Variants in MIR2052HG observed in about 807,000 individuals in gnomAD.
The protein encoded by MIR2052HG is MIR2052 host gene.
intron 2 of MIR2052HG, among the ~76,000 whole-genome samples, chr8:74,638,563 T>C (rs569772454): frequency 5.1e-4 from 77 of 152,204 alleles, no homozygotes; most frequent in Non-Finnish European, 6.3e-4. Flanking sequence ...GGAGAGTAGA[T>C]AATTTCACAT....
At chr8:74,661,096 T>C (rs72667583) in intron 2 of MIR2052HG, among the ~76,000 whole-genome samples, 7,988 of 152,182 alleles carry the variant, frequency 0.052, 283 homozygotes, top group Middle Eastern at 0.082. Flanking sequence ...GAACAGCAAG[T>C]GAAACAGGAC....
At chr8:74,615,383 C>T (rs1586889944) in intron 2 of MIR2052HG, among the ~76,000 whole-genome samples, 1 of 152,174 alleles carries the variant, frequency 6.6e-6, no homozygotes, top group South Asian at 2.1e-4. Flanking sequence ...AAGCTGAGTC[C>T]ACTGTGCCTC....
At position 74,606,205 on chromosome 8, in the gene MIR2052HG, G is replaced by A. The variant is rs147969978; in HGVS notation, n.128+6297G>A. Among the ~76,000 whole-genome samples the A allele has an allele frequency of 9.7e-3, 1,476 of 152,280 alleles. 10 individuals are homozygous for A. Among genetic ancestry groups the A allele is most frequent in the South Asian group, 0.015 (74 of 4,826 alleles). ...AATCGGATGAATTCCTGGGAACTGT[G>A]GATATAGCTTGCCACAGTATCTTAT... On this transcript the variant is annotated intron_variant and non_coding_transcript_variant, in intron 1 of 6. Transcript: ENST00000523442.
At chr8:74,652,306 C>A (rs74402675) in intron 2 of MIR2052HG, among the ~76,000 whole-genome samples, 1 of 152,098 alleles carries the variant, frequency 6.6e-6, no homozygotes, top group Non-Finnish European at 1.5e-5. Flanking sequence ...TATAAGTGGA[C>A]GTGACACATA....
intron 1 of MIR2052HG, among the ~76,000 whole-genome samples, chr8:74,600,068 G>A (rs1586881981): frequency 6.6e-6 from 1 of 152,172 alleles, no homozygotes; most frequent in South Asian, 2.1e-4. Context: ...GTGAGGCAAT[G>A]CCTCGCCGTG....
intron 5 of MIR2052HG, among the ~76,000 whole-genome samples, chr8:74,755,359 A>T (rs1027311555): frequency 6.6e-6 from 1 of 152,224 alleles, no homozygotes; most frequent in African/African-American, 2.4e-5. Context: ...ACCTCTAAAA[A>T]GATTAGACTG....
chr8:74,678,756 G>T (rs1262333365), intron 2 of MIR2052HG, among the ~76,000 whole-genome samples: 1 of 151,646 alleles, frequency 6.6e-6, no homozygotes, highest in South Asian at 2.1e-4. Context: ...TAATATAATA[G>T]AAATGACAGT....
intron 2 of MIR2052HG, among the ~76,000 whole-genome samples, chr8:74,619,056 T>C (rs1009302405): frequency 1.3e-5 from 2 of 152,150 alleles, no homozygotes; most frequent in South Asian, 2.1e-4. Context: ...TACTTAGGAA[T>C]AAATTTTTTT....
At chr8:74,642,467 C>T (rs1808649071) in intron 2 of MIR2052HG, among the ~76,000 whole-genome samples, 1 of 152,136 alleles carries the variant, frequency 6.6e-6, no homozygotes, top group Admixed American at 6.5e-5. Flanking sequence ...AACCAAACAG[C>T]TGCTTCCCAA....
intron 4 of MIR2052HG, among the ~76,000 whole-genome samples, chr8:74,722,340 A>C (rs1809586648): frequency 6.6e-6 from 1 of 152,248 alleles, no homozygotes; most frequent in Admixed American, 6.5e-5. Flanking sequence ...ATATTATAAT[A>C]GGTTCTATAT....
At chr8:74,753,058 T>C (rs916618878) in intron 5 of MIR2052HG, among the ~76,000 whole-genome samples, 1 of 152,236 alleles carries the variant, frequency 6.6e-6, no homozygotes, top group Non-Finnish European at 1.5e-5. Context: ...GTAGGTATTT[T>C]TTAAAACACG....
chr8:74,654,277 C>T (rs1808781062), intron 2 of MIR2052HG, among the ~76,000 whole-genome samples: 1 of 152,062 alleles, frequency 6.6e-6, no homozygotes, highest in South Asian at 2.1e-4. Flanking sequence ...GAGGAATCTA[C>T]AAAGGAGACT....
At chr8:74,646,707 C>G (rs541233071) in intron 2 of MIR2052HG, among the ~76,000 whole-genome samples, 1 of 152,246 alleles carries the variant, frequency 6.6e-6, no homozygotes, top group African/African-American at 2.4e-5. Context: ...ATGGATAGAT[C>G]ACTTGAGCCT....
At chr8:74,730,560 C>T (rs1809681176) in intron 4 of MIR2052HG, among the ~76,000 whole-genome samples, 1 of 152,068 alleles carries the variant, frequency 6.6e-6, no homozygotes, top group Admixed American at 6.6e-5. Context: ...CAGCAAGACT[C>T]CAGTTTTTGC....
At chr8:74,710,935 A>AGG (rs1457759250) in intron 4 of MIR2052HG, among the ~76,000 whole-genome samples, 1 of 152,154 alleles carries the variant, frequency 6.6e-6, no homozygotes, top group African/African-American at 2.4e-5. Context: ...ATGTGAGCAA[A>AGG]CTGTGCCCCA....
chr8:74,745,895 C>G (rs1223500517), intron 4 of MIR2052HG, among the ~76,000 whole-genome samples: 2 of 152,162 alleles, frequency 1.3e-5, no homozygotes, highest in African/African-American at 2.4e-5. Flanking sequence ...AAGCACCACA[C>G]ATATCAACTC....
intron 2 of MIR2052HG, among the ~76,000 whole-genome samples, chr8:74,668,800 G>A (rs1351626043): frequency 6.6e-6 from 1 of 152,166 alleles, no homozygotes; most frequent in Non-Finnish European, 1.5e-5. Context: ...GCAGTTAATG[G>A]CAAACTCAAG....
intron 2 of MIR2052HG, among the ~76,000 whole-genome samples, chr8:74,627,544 A>G (rs1276306199): frequency 1.3e-5 from 2 of 152,236 alleles, no homozygotes; most frequent in African/African-American, 4.8e-5. Flanking sequence ...AGATTTTTTA[A>G]GGGAAAATTA....
chr8:74,682,914 A>G (rs2128739244), intron 2 of MIR2052HG, among the ~76,000 whole-genome samples: 1 of 152,302 alleles, frequency 6.6e-6, no homozygotes, highest in East Asian at 1.9e-4. Flanking sequence ...ACACAGTAAA[A>G]TAACAATGAA....
Sources: gnomAD v4.1 joint callset for allele counts (sites outside exome capture counted in the v4.1 genomes callset) on GRCh38, gnomAD v4.1.1 for gene constraint, MANE v1.5 for transcripts, NCBI Gene and HGNC (gene_info 2026-07-23, HGNC 2026-07-21) for gene names.